Variants in SYNPR observed in about 807,000 individuals in gnomAD.
SYNPR encodes synaptoporin.
SYNPR carries 23 observed loss-of-function variants against 32.9 expected under a neutral mutation model. The ratio of observed to expected loss-of-function variants is 0.70; its 90% CI spans 0.50 to 0.99. The LOEUF is 0.99. Among genes scored for constraint, SYNPR ranks in the 50% least tolerant of loss-of-function variants. The probability of loss-of-function intolerance (pLI) is 0.00; values close to 1 mark genes in which losing one functional copy is unlikely to be tolerated. For missense variants in SYNPR, 318 were observed against 349.3 expected (o/e 0.91, Z 0.71); for synonymous variants, 146 against 135.9 (o/e 1.07, Z -0.52).
chr3:63,434,547 G>T (rs1470716987), intron 2 of SYNPR, among the ~76,000 whole-genome samples: 2 of 152,214 alleles, frequency 1.3e-5, no homozygotes, highest in Non-Finnish European at 2.9e-5. Flanking sequence ...AGTGTACTGG[G>T]CAAGATTATT....
intron 3 of SYNPR, among the ~76,000 whole-genome samples, chr3:63,268,943 TCA>T (rs1560173961): frequency 2.0e-5 from 3 of 152,240 alleles, no homozygotes; most frequent in Non-Finnish European, 4.4e-5. Flanking sequence ...GTAATTTTAC[TCA>T]CAGGAAATAT....
chr3:63,282,858 A>C (rs923159396), intron 2 of SYNPR, among the ~76,000 whole-genome samples: 1 of 152,238 alleles, frequency 6.6e-6, no homozygotes, highest in African/African-American at 2.4e-5. Flanking sequence ...CATGTAGATA[A>C]TTTATTGAAT....
At chr3:63,605,602 C>G (rs56094806) in intron 4 of SYNPR, among the ~76,000 whole-genome samples, 3,966 of 152,232 alleles carry the variant, frequency 0.026, 111 homozygotes, top group South Asian at 0.086. Context: ...CCACAAGATA[C>G]AAGCAAGTAA....
At chr3:63,358,625 GA>G (rs71126596) in intron 2 of SYNPR, among the ~76,000 whole-genome samples, 104,035 of 149,818 alleles carry the variant, frequency 0.69, 36,998 homozygotes, top group Admixed American at 0.77. Flanking sequence ...CATAATACAT[GA>G]AAAAAAAAAA....
chr3:63,312,314 A>C (rs1257053003), intron 2 of SYNPR, among the ~76,000 whole-genome samples: 1 of 152,016 alleles, frequency 6.6e-6, no homozygotes, highest in Non-Finnish European at 1.5e-5. Context: ...TGCTGGCCAA[A>C]GACTTAAATT....
chr3:63,270,128 G>A (rs1362815025), intron 3 of SYNPR, among the ~76,000 whole-genome samples: 1 of 152,142 alleles, frequency 6.6e-6, no homozygotes, highest in Non-Finnish European at 1.5e-5. Flanking sequence ...GCATTGAGGG[G>A]CTTTGTATTA....
chr3:63,556,568 C>G lies in SYNPR; in HGVS notation c.235C>G (p.Pro79Ala). 1 of 1,613,178 alleles carries G rather than the reference C, an allele frequency of 6.2e-7. No individual in the cohort carries two copies. The highest frequency in any genetic ancestry group is 8.5e-7 in the Non-Finnish European group (1 of 1,179,578). Residue 79 changes from proline (P) to alanine (A), a missense_variant, in exon 4 of 6, where the codon CCC becomes GCC. Pro to Ala is a conservative substitution (Grantham distance 27). Transcript: ENST00000478300. ...FRLHQVTFEV[P>A]TCEGKERQKL... is the part of the protein sequence containing the mutation. ...GTTGCACCAGGTGACGTTTGAGGTG[C>G]CCACCTGCGAGGGAAAGGAACGGCA...
intron 2 of SYNPR, among the ~76,000 whole-genome samples, chr3:63,411,609 A>G (rs1462571689): frequency 6.6e-6 from 1 of 152,168 alleles, no homozygotes; most frequent in Non-Finnish European, 1.5e-5. Flanking sequence ...GAAGGCCAAG[A>G]GACAGCCAGC....
chr3:63,595,507 T>C (rs1221982190), intron 4 of SYNPR, among the ~76,000 whole-genome samples: 1 of 151,312 alleles, frequency 6.6e-6, no homozygotes, highest in African/African-American at 2.4e-5. Flanking sequence ...GGGACTGGTC[T>C]CCTGGGACCA....
At chr3:63,438,920 C>T (rs1319227838) in intron 2 of SYNPR, among the ~76,000 whole-genome samples, 1 of 152,188 alleles carries the variant, frequency 6.6e-6, no homozygotes, top group African/African-American at 2.4e-5. Context: ...CCTCCTTTCT[C>T]CTACTGCAAT....
At chr3:63,318,586 G>A (rs866652541) in intron 2 of SYNPR, among the ~76,000 whole-genome samples, 1 of 151,886 alleles carries the variant, frequency 6.6e-6, no homozygotes, top group South Asian at 2.1e-4. Flanking sequence ...CTAAAAGTGT[G>A]CCCAAAGTTT....
chr3:63,256,666 C>G (rs888093705), intron 2 of SYNPR, among the ~76,000 whole-genome samples: 3 of 152,206 alleles, frequency 2.0e-5, no homozygotes, highest in East Asian at 1.9e-4. Flanking sequence ...GAGCACCTCT[C>G]CTTCTCCAAA....
At chr3:63,457,318 A>C (rs1461776789) in intron 2 of SYNPR, among the ~76,000 whole-genome samples, 1 of 152,128 alleles carries the variant, frequency 6.6e-6, no homozygotes, top group Non-Finnish European at 1.5e-5. Flanking sequence ...TAGTCATGCC[A>C]TTCTATTGAA....
chr3:63,245,680 T>TGAGAGA (rs71992869), intron 1 of SYNPR, among the ~76,000 whole-genome samples: 244 of 123,236 alleles, frequency 2.0e-3, no homozygotes, highest in Middle Eastern at 4.6e-3. Flanking sequence ...CTTTGTCAAG[T>TGAGAGA]GAGAGAGAGA....
Position 63,524,868 on chromosome 3 carries a change from TGTGAGA to T in SYNPR, c.210-31673_210-31668del, listed in dbSNP as rs764550878. 2.9e-3 allele frequency among the ~76,000 whole-genome samples: 435 copies of T among 149,732 alleles called. 2 individuals carry two copies. Among genetic ancestry groups the T allele is most frequent in the African/African-American group, 9.7e-3 (391 of 40,382 alleles). ...GTGTGTGTGCATGTGTGTGTGTGTG[TGTGAGA>T]GAGAGAGAGAGAGAGAGAGAGAGAA... On this transcript the variant is annotated intron_variant, in intron 3 of 5. Transcript: ENST00000478300.
At chr3:63,357,656 C>T (rs2087601284) in intron 2 of SYNPR, among the ~76,000 whole-genome samples, 1 of 152,146 alleles carries the variant, frequency 6.6e-6, no homozygotes, top group Non-Finnish European at 1.5e-5. Flanking sequence ...TTTCTAGGTT[C>T]TGAGACTCAG....
chr3:63,605,906 G>T (rs1313241155), intron 4 of SYNPR, among the ~76,000 whole-genome samples: 1 of 152,216 alleles, frequency 6.6e-6, no homozygotes, highest in East Asian at 1.9e-4. Flanking sequence ...GGGCATGTAT[G>T]TTCCCGCTCC....
At chr3:63,310,242 G>T (rs2086950398) in intron 2 of SYNPR, among the ~76,000 whole-genome samples, 1 of 151,916 alleles carries the variant, frequency 6.6e-6, no homozygotes, top group African/African-American at 2.4e-5. Context: ...TCAGAAGACA[G>T]CTTTGAGGAG....
intron 2 of SYNPR, among the ~76,000 whole-genome samples, chr3:63,425,733 T>G (rs1301424280): frequency 6.6e-6 from 1 of 152,082 alleles, no homozygotes; most frequent in Non-Finnish European, 1.5e-5. Flanking sequence ...AAAATAACAC[T>G]TATTCATGGA....
Sources: gnomAD v4.1 joint callset for allele counts (sites outside exome capture counted in the v4.1 genomes callset) on GRCh38, gnomAD v4.1.1 for gene constraint, MANE v1.5 for transcripts, NCBI Gene and HGNC (gene_info 2026-07-23, HGNC 2026-07-21) for gene names.